Variants in PRPF8 observed in about 807,000 individuals in gnomAD.
PRPF8 encodes the protein pre-mRNA-processing-splicing factor 8.
PRPF8 carries 64 observed loss-of-function variants against 285.9 expected under a neutral mutation model. The ratio of observed to expected loss-of-function variants is 0.22; its 90% CI spans 0.18 to 0.28. The LOEUF (loss-of-function observed/expected upper bound fraction) is 0.28, where lower values mean the gene tolerates loss of function less well. PRPF8 is among the 10% of genes least tolerant of loss of function. The probability of loss-of-function intolerance (pLI) is 1.00; values close to 1 mark genes in which losing one functional copy is unlikely to be tolerated. For missense variants in PRPF8, 1,426 were observed against 3,026.7 expected (o/e 0.47, Z 12.41); for synonymous variants, 1,325 against 1,118.2 (o/e 1.18, Z -3.69).
In PRPF8 at chr17:1,678,765, G is replaced by A; in HGVS notation, c.1716C>T (p.Phe572=). 1 of 1,613,984 alleles carries A rather than the reference G, an allele frequency of 6.2e-7. No individual in the cohort carries two copies. The highest frequency in any genetic ancestry group is 8.5e-7 in the Non-Finnish European group (1 of 1,180,030). The change falls in exon 12 of 43, where the codon TTC becomes TTT. Residue 572 remains phenylalanine (F), a synonymous_variant. Coordinates refer to ENST00000304992, the MANE Select transcript of PRPF8 (RefSeq NM_006445.4). The stretch of plus-strand genomic sequence containing the variant: ...GGTTGGGAATACCTAACCTTACCTG[G>A]AAGGCATCCACATTGCCCAGCCGAT... ...VQYRLGNVDA[F]QLADGLQYIF...
chr17:1,676,781 C>T lies in PRPF8; in HGVS notation c.2182-70G>A. ...CTGTGGCACACATCTGTAGTCCCGGCTACTCAGGAGGCTAAGGAGGATCGC... is the reference window on the plus strand; with the variant it reads ...CTGTGGCACACATCTGTAGTCCCGGTTACTCAGGAGGCTAAGGAGGATCGC... On this transcript the variant is annotated intron_variant, in intron 15 of 42. Transcript: ENST00000304992. The surrounding 1 kb of genome is among the most constrained non-coding windows in gnomAD (Gnocchi z 6.3). 6.4e-7 allele frequency: 1 copy of T among 1,567,342 alleles called. No homozygotes were observed.
chr17:1,684,363 G>A lies in PRPF8; in HGVS notation c.100+109C>T, dbSNP rs1210420070. 6 of 1,053,666 alleles carry A rather than the reference G, an allele frequency of 5.7e-6. No homozygotes were observed. The East Asian group carries it at 1.4e-4, about 25-fold the overall frequency. 65.3% of individuals were successfully genotyped at this position (1,053,666 alleles called of 1,614,324 possible). Reference sequence around the variant, plus strand: ...TGAAAAATTAACTGGAAATAACAAGGGAGCTGACACCTCAGGAGCTGCCCA... The same window carrying A: ...TGAAAAATTAACTGGAAATAACAAGAGAGCTGACACCTCAGGAGCTGCCCA... On this transcript the variant is annotated intron_variant, in intron 2 of 42. Transcript: ENST00000304992.
At position 1,659,231 on chromosome 17, in the gene PRPF8, G is replaced by T; in HGVS notation, c.5138+126C>A. 2 of 1,089,894 alleles carry T rather than the reference G, an allele frequency of 1.8e-6. No homozygotes were observed. The highest frequency in any genetic ancestry group is 2.8e-6 in the Non-Finnish European group (2 of 722,168). 67.5% of individuals were successfully genotyped at this position (1,089,894 alleles called of 1,614,324 possible). On this transcript the variant is annotated intron_variant, in intron 32 of 42. Transcript: ENST00000304992. This position sits in a 1 kb window ranked among gnomAD's most constrained non-coding sequence, Gnocchi z 5.1. ...GGTAGAGACAGGGTTTCACCATGTTGCCCAGACTGGTCTCAAACTCCTGAG... is the reference window on the plus strand; with the variant it reads ...GGTAGAGACAGGGTTTCACCATGTTTCCCAGACTGGTCTCAAACTCCTGAG...
rs773955596 is a variant in PRPF8, at chr17:1,680,977, G to A, written c.944C>T (p.Ala315Val). 3 of 1,613,682 alleles carry A rather than the reference G, an allele frequency of 1.9e-6. No individual in the cohort carries two copies. Among genetic ancestry groups the A allele is most frequent in the Non-Finnish European group, 2.5e-6 (3 of 1,179,580 alleles). Residue 315 changes from alanine to valine, a missense_variant, in exon 7 of 43, where the codon GCT (alanine) becomes GTT (valine). Ala to Val is a moderately conservative substitution (Grantham distance 64). Coordinates refer to ENST00000304992, the MANE Select transcript of PRPF8 (RefSeq NM_006445.4). ...AAGATTGTTGTACAAGTAAGGAAAA[G>A]CAATCTTGTACTCAGTGCGGATAGG... The part of the protein sequence containing the change: ...RQPIRTEYKI[A>V]FPYLYNNLPH...
chr17:1,680,624 A>T, intron 8 of PRPF8, 102 bp downstream of exon 8: 5 of 1,085,134 alleles, frequency 4.6e-6, no homozygotes, highest in Non-Finnish European at 4.2e-6. Flanking sequence ...ACTTAGCAAG[A>T]CGGAAAACAC....
chr17:1,673,595 C>A lies in PRPF8; in HGVS notation c.3447-28G>T. 2 of 1,613,684 alleles carry A rather than the reference C, an allele frequency of 1.2e-6. No individual in the cohort carries two copies. The highest frequency in any genetic ancestry group is 8.5e-7 in the Non-Finnish European group (1 of 1,179,962). Reference sequence around the variant, plus strand: ...GCCCACAGAGAACACATGGTCACAGCAGTTTCTTGGAAGGAACTTCCCTTC... The same window carrying A: ...GCCCACAGAGAACACATGGTCACAGAAGTTTCTTGGAAGGAACTTCCCTTC... On this transcript the variant is annotated intron_variant, in intron 22 of 42. Transcript: ENST00000304992. This position sits in a 1 kb window ranked among gnomAD's most constrained non-coding sequence, Gnocchi z 5.5.
chr17:1,679,575 C>A lies in PRPF8; in HGVS notation c.1289+34G>T. 6.2e-7 allele frequency: 1 copy of A among 1,611,726 alleles called. No homozygotes were observed. Among genetic ancestry groups the A allele is most frequent in the Non-Finnish European group, 8.5e-7 (1 of 1,179,430 alleles). Reference sequence around the variant, plus strand: ...TGGAGTCTTTTCTCCTACACATCCACTATCATTCCCCCTGCCACAGGGAAA... The same window carrying A: ...TGGAGTCTTTTCTCCTACACATCCAATATCATTCCCCCTGCCACAGGGAAA... On this transcript the variant is annotated intron_variant, in intron 9 of 42. Transcript: ENST00000304992. This position sits in a 1 kb window ranked among gnomAD's most constrained non-coding sequence, Gnocchi z 4.7.
chr17:1,659,789 C>A lies in PRPF8; in HGVS notation c.4946+52G>T, dbSNP rs552001128. On this transcript the variant is annotated intron_variant, in intron 31 of 42. Coordinates refer to ENST00000304992, the MANE Select transcript of PRPF8 (RefSeq NM_006445.4). The surrounding 1 kb of genome is among the most constrained non-coding windows in gnomAD (Gnocchi z 5.1). ...TCCTAAAGTTGCAGGGCTAGAAGAACAGGAAAACGAAAGTGTCCTGGCTGC... is the reference window on the plus strand; with the variant it reads ...TCCTAAAGTTGCAGGGCTAGAAGAAAAGGAAAACGAAAGTGTCCTGGCTGC... The A allele has an allele frequency of 6.3e-6, 10 of 1,596,874 alleles. No homozygotes were observed. The highest frequency in any genetic ancestry group is 8.6e-6 in the Non-Finnish European group (10 of 1,166,172).
At chr17:1,662,185 G>A in intron 24 of PRPF8, 32 bp from the exon 25 acceptor site, 2 of 1,613,574 alleles carry the variant, frequency 1.2e-6, no homozygotes, top group Non-Finnish European at 1.7e-6. Flanking sequence ...GTAAATTACA[G>A]ATGAGCCAGG....
intron 21 of PRPF8, among the ~76,000 whole-genome samples, chr17:1,674,171 C>T (rs1264197705): frequency 6.6e-6 from 1 of 152,156 alleles, no homozygotes; most frequent in African/African-American, 2.4e-5. Context: ...TACAGGCACC[C>T]GCCACCACGC....
intron 39 of PRPF8, chr17:1,652,108 A>G: frequency 2.1e-6 from 1 of 470,046 alleles, no homozygotes; most frequent in Non-Finnish European, 3.9e-6. Flanking sequence ...ACAAGCTGAA[A>G]ACATCTGGAA....
At chr17:1,672,434 C>G (rs1452121568) in intron 24 of PRPF8, among the ~76,000 whole-genome samples, 1 of 152,168 alleles carries the variant, frequency 6.6e-6, no homozygotes, top group Admixed American at 6.5e-5. Context: ...CGCCGGCCAC[C>G]AGGCCCGGTT....
chr17:1,683,692 C>G lies in PRPF8; in HGVS notation c.110G>C (p.Trp37Ser). ...EEKLQEKARK[W>S]QQLQAKRYAE... is the part of the protein sequence containing the mutation. The stretch of plus-strand genomic sequence containing the variant: ...ATAGCGCTTGGCCTGCAATTGCTGC[C>G]ATTTTCGAGCTGGAAAGGCACCTCA... Residue 37 changes from tryptophan (W) to serine (S), a missense_variant, in exon 3 of 43, where the codon TGG (tryptophan) becomes TCG (serine). By Grantham distance (177) the Trp-to-Ser change is radical. Around this residue, in one of 34 missense-constraint regions of PRPF8, gnomAD observed 72 missense variants for 80.0 expected, o/e 0.90. Transcript: ENST00000304992. The G allele has an allele frequency of 6.2e-7, 1 of 1,613,958 alleles. No homozygotes were observed. The highest frequency in any genetic ancestry group is 8.5e-7 in the Non-Finnish European group (1 of 1,180,012).
chr17:1,670,280 C>T (rs1205120926), intron 24 of PRPF8, among the ~76,000 whole-genome samples: 1 of 152,160 alleles, frequency 6.6e-6, no homozygotes, highest in Non-Finnish European at 1.5e-5. Context: ...TCTTTATCTT[C>T]GATCCTAAAC....
intron 24 of PRPF8, among the ~76,000 whole-genome samples, chr17:1,667,256 A>G (rs1243747798): frequency 6.6e-6 from 1 of 152,126 alleles, no homozygotes; most frequent in African/African-American, 2.4e-5. Flanking sequence ...GGTTTAGTAA[A>G]TTCTTGGACT....
At chr17:1,680,441 A>G (rs1408921486) in intron 8 of PRPF8, 1 of 523,426 alleles carries the variant, frequency 1.9e-6, no homozygotes, top group African/African-American at 1.9e-5. Context: ...ACATCTCAAT[A>G]TAAAGGCTAA....
chr17:1,650,640 C>T lies in PRPF8; in HGVS notation c.*162G>A, dbSNP rs895571558. On this transcript the variant is annotated 3_prime_UTR_variant, in exon 43 of 43. Transcript: ENST00000304992. ...ACCAGCCCCTGAACTCCTATTTATA[C>T]AAAATTTATTATTATATTTTATTCA... The T allele has an allele frequency of 3.7e-6, 3 of 805,212 alleles. No homozygotes were observed. The highest frequency in any genetic ancestry group is 5.7e-5 in the Admixed American group (2 of 34,832). The allele number at this position is 805,212 out of a possible 1,614,324, so 49.9% of individuals were successfully genotyped here.
In PRPF8 at chr17:1,682,266, G is replaced by A. The variant is rs1210073031; in HGVS notation, c.297C>T (p.Val99=). ...LGALKYMPHA[V]LKLLENMPMP... is the part of the protein sequence containing the mutation. ...TAGGCATGTTCTCCAGGAGTTTGAGGACTGCGTGGGGCATGTACTTTAGGG... is the reference window on the plus strand; with the variant it reads ...TAGGCATGTTCTCCAGGAGTTTGAGAACTGCGTGGGGCATGTACTTTAGGG... Residue 99 remains valine, a synonymous_variant, in exon 4 of 43, where the codon GTC becomes GTT. Transcript: ENST00000304992. 3 of 1,614,034 alleles carry A rather than the reference G, an allele frequency of 1.9e-6. No homozygotes were observed. The highest frequency in any genetic ancestry group is 1.1e-5 in the South Asian group (1 of 91,090).
chr17:1,653,510 A>C lies in PRPF8; in HGVS notation c.6369+32T>G. ...TTTAGGCACAAAATGAGTTGGGCAC[A>C]CACTGTGGCCTAGCTGAGTCCACTT... On this transcript the variant is annotated intron_variant, in intron 39 of 42. Coordinates refer to ENST00000304992, the MANE Select transcript of PRPF8 (RefSeq NM_006445.4). The surrounding 1 kb of genome is among the most constrained non-coding windows in gnomAD (Gnocchi z 4.9). 6.2e-7 allele frequency: 1 copy of C among 1,614,160 alleles called. No homozygotes were observed. Among genetic ancestry groups the C allele is most frequent in the Non-Finnish European group, 8.5e-7 (1 of 1,179,974 alleles).
Sources: allele counts gnomAD v4.1 joint callset (sites outside exome capture counted in the v4.1 genomes callset), GRCh38; gene constraint gnomAD v4.1.1; regional missense constraint gnomAD v4.1.1; non-coding constraint Gnocchi (gnomAD v3.1); transcripts MANE v1.5; gene names NCBI Gene and HGNC (gene_info 2026-07-23, HGNC 2026-07-21).